Variants in DPP10 observed in about 807,000 individuals in gnomAD.
The protein encoded by DPP10 is inactive dipeptidyl peptidase 10.
DPP10 carries 33 observed loss-of-function variants against 120.9 expected under a neutral mutation model. That is an observed-to-expected ratio of 0.27 (90% CI 0.21 to 0.37). The LOEUF (loss-of-function observed/expected upper bound fraction) is 0.37, where lower values mean the gene tolerates loss of function less well. Ranked by LOEUF, DPP10 falls within the 10% of genes least tolerant of loss-of-function variation. DPP10 has a pLI of 1.00. For missense variants in DPP10, 816 were observed against 942.8 expected (o/e 0.87, Z 1.76); for synonymous variants, 337 against 326.1 (o/e 1.03, Z -0.36).
chr2:115,027,028 A>ATC (rs1232121169), intron 1 of DPP10, among the ~76,000 whole-genome samples: 1 of 151,834 alleles, frequency 6.6e-6, no homozygotes, highest in Non-Finnish European at 1.5e-5. Context: ...CCTTGTATTG[A>ATC]TCTTTTACTA....
At chr2:115,004,838 G>T (rs1221019266) in intron 1 of DPP10, among the ~76,000 whole-genome samples, 2 of 152,076 alleles carry the variant, frequency 1.3e-5, no homozygotes, top group East Asian at 3.9e-4. Flanking sequence ...CAAAGCAGCC[G>T]GGAAGCTTGA....
At chr2:114,987,438 A>G (rs1418859927) in intron 1 of DPP10, among the ~76,000 whole-genome samples, 1 of 152,156 alleles carries the variant, frequency 6.6e-6, no homozygotes, top group Non-Finnish European at 1.5e-5. Flanking sequence ...ATAACTTCAT[A>G]TAATTTCACC....
intron 1 of DPP10, among the ~76,000 whole-genome samples, chr2:114,968,620 A>G (rs1699196385): frequency 6.6e-6 from 1 of 152,208 alleles, no homozygotes; most frequent in African/African-American, 2.4e-5. Flanking sequence ...ATACACATCC[A>G]GAAATAATGA....
intron 1 of DPP10, among the ~76,000 whole-genome samples, chr2:114,456,428 C>G (rs567259566): frequency 6.6e-6 from 1 of 152,308 alleles, no homozygotes; most frequent in African/African-American, 2.4e-5. Flanking sequence ...CAATCTTGGT[C>G]TAGCCAGGAT....
In DPP10 at chr2:114,999,665, G is replaced by A. The variant is rs77121812; in HGVS notation, c.61-309574G>A. Among the ~76,000 whole-genome samples, 3 of 152,178 alleles carry A rather than the reference G, an allele frequency of 2.0e-5. No homozygotes were observed. The East Asian group carries it at 5.8e-4, about 30-fold the overall frequency. ...CTGCCATCTTGAGACACCCTTGTCT[G>A]TCATCTTTGTTTGTTCTTAATACTA... On this transcript the variant is annotated intron_variant, in intron 1 of 25. Transcript: ENST00000410059.
chr2:114,666,038 T>C (rs1697897536), intron 1 of DPP10, among the ~76,000 whole-genome samples: 1 of 152,186 alleles, frequency 6.6e-6, no homozygotes, highest in South Asian at 2.1e-4. Flanking sequence ...CCAAGTACCA[T>C]CATTTTTTTC....
chr2:115,834,680 T>C (rs1689265047), intron 21 of DPP10, among the ~76,000 whole-genome samples: 1 of 152,232 alleles, frequency 6.6e-6, no homozygotes, highest in Non-Finnish European at 1.5e-5. Context: ...CATTATTCAT[T>C]ATATCCCATT....
chr2:115,455,237 T>C (rs2073430171), intron 3 of DPP10, among the ~76,000 whole-genome samples: 1 of 151,904 alleles, frequency 6.6e-6, no homozygotes, highest in Non-Finnish European at 1.5e-5. Context: ...TCTCCCAAAA[T>C]TGATCTATAC....
At chr2:115,294,576 T>G (rs1301375546) in intron 1 of DPP10, among the ~76,000 whole-genome samples, 1 of 151,858 alleles carries the variant, frequency 6.6e-6, no homozygotes, top group African/African-American at 2.4e-5. Context: ...TGAAAAAGAG[T>G]TCTTAAATTT....
At chr2:114,769,047 T>C (rs1434896202) in intron 1 of DPP10, among the ~76,000 whole-genome samples, 1 of 152,064 alleles carries the variant, frequency 6.6e-6, no homozygotes, top group Admixed American at 6.5e-5. Context: ...AAGAGTGGAA[T>C]AGTAGGGTCA....
intron 1 of DPP10, among the ~76,000 whole-genome samples, chr2:115,197,681 T>C (rs1337250809): frequency 3.9e-5 from 6 of 152,190 alleles, no homozygotes; most frequent in Non-Finnish European, 8.8e-5. Flanking sequence ...ATAGATGACT[T>C]TATCTGGGTA....
chr2:114,637,848 C>G (rs1489131441), intron 1 of DPP10, among the ~76,000 whole-genome samples: 1 of 151,796 alleles, frequency 6.6e-6, no homozygotes, highest in East Asian at 1.9e-4. Flanking sequence ...GTCTGTATGT[C>G]TGTTTTTGTA....
At chr2:114,562,808 T>C (rs1253710033) in intron 1 of DPP10, among the ~76,000 whole-genome samples, 2 of 152,218 alleles carry the variant, frequency 1.3e-5, no homozygotes, top group East Asian at 3.8e-4. Context: ...TGTGCTTAAG[T>C]ATATGTAACC....
At chr2:115,556,585 A>G (rs1307011318) in intron 5 of DPP10, among the ~76,000 whole-genome samples, 5 of 152,060 alleles carry the variant, frequency 3.3e-5, no homozygotes, top group Non-Finnish European at 5.9e-5. Flanking sequence ...AAACAGTGCT[A>G]TTAGATTTTC....
At chr2:115,355,243 A>C (rs776749852) in intron 3 of DPP10, among the ~76,000 whole-genome samples, 1 of 152,136 alleles carries the variant, frequency 6.6e-6, no homozygotes, top group South Asian at 2.1e-4. Context: ...ACTTTTTAAT[A>C]ATTGCCATTC....
chr2:115,424,566 T>G (rs2070280610), intron 3 of DPP10, among the ~76,000 whole-genome samples: 1 of 152,078 alleles, frequency 6.6e-6, no homozygotes, highest in Non-Finnish European at 1.5e-5. Flanking sequence ...ATCCAATTAT[T>G]GCTTTGTAGT....
At chr2:115,067,994 G>A (rs72949719) in intron 1 of DPP10, among the ~76,000 whole-genome samples, 24,568 of 151,336 alleles carry the variant, frequency 0.16, 2,265 homozygotes, top group African/African-American at 0.27. Context: ...AGTTGATTCC[G>A]TATCTTGGCC....
At chr2:114,746,191 C>G (rs958102489) in intron 1 of DPP10, among the ~76,000 whole-genome samples, 1 of 152,180 alleles carries the variant, frequency 6.6e-6, no homozygotes, top group Non-Finnish European at 1.5e-5. Flanking sequence ...TTATTCACCT[C>G]TCTTTCATCC....
At chr2:114,574,182 C>T (rs1468471754) in intron 1 of DPP10, among the ~76,000 whole-genome samples, 5 of 152,098 alleles carry the variant, frequency 3.3e-5, no homozygotes, top group East Asian at 3.9e-4. Context: ...TTATATTACC[C>T]GCCTCATGTG....
Sources: gnomAD v4.1 joint callset for allele counts (sites outside exome capture counted in the v4.1 genomes callset) on GRCh38, gnomAD v4.1.1 for gene constraint, MANE v1.5 for transcripts, NCBI Gene and HGNC (gene_info 2026-07-23, HGNC 2026-07-21) for gene names.